Variants in CUBN observed in about 807,000 individuals in gnomAD.
CUBN encodes the protein cubilin, also known as 460 kDa receptor.
CUBN carries 282 observed loss-of-function variants against 405.3 expected under a neutral mutation model. The observed-to-expected ratio is 0.70, with a 90% confidence interval of 0.63 to 0.77. CUBN has a LOEUF of 0.77. Ranked by LOEUF, CUBN falls within the 30% of genes least tolerant of loss-of-function variation. The pLI is 0.00. For missense variants in CUBN, 4,514 were observed against 4,475.2 expected (o/e 1.01, Z -0.25); for synonymous variants, 1,684 against 1,617.0 (o/e 1.04, Z -0.99).
chr10:17,091,485 T>C (rs1236236095), intron 14 of CUBN, among the ~76,000 whole-genome samples: 1 of 152,166 alleles, frequency 6.6e-6, no homozygotes, highest in Non-Finnish European at 1.5e-5. Flanking sequence ...AAATAGCTGA[T>C]ATGAGTAACT....
chr10:16,901,199 T>A, intron 52 of CUBN, 139 bp downstream of exon 52: 1 of 1,213,778 alleles, frequency 8.2e-7, no homozygotes, highest in African/African-American at 1.5e-5. Flanking sequence ...GAGAAAATGT[T>A]AGGGAAAAAC....
In CUBN at chr10:17,068,246, G is replaced by A. The variant is rs1199210417; in HGVS notation, c.2826C>T (p.Thr942=). 1 of 1,613,488 alleles carries A rather than the reference G, an allele frequency of 6.2e-7. No individual in the cohort carries two copies. Among genetic ancestry groups the A allele is most frequent in the East Asian group, 2.2e-5 (1 of 44,878 alleles). Residue 942 remains threonine (T), a synonymous_variant, in exon 21 of 67, where the codon ACC becomes ACT. Coordinates refer to ENST00000377833, the MANE Select transcript of CUBN (RefSeq NM_001081.4). ...CATTTGGATGGCCAGGACTTTGAAT[G>A]GTCCCTGTTGATTCTGTAAGAATTT... is the stretch of plus-strand genomic sequence containing the variant. The part of the protein sequence containing the change: ...CGEILTESTG[T]IQSPGHPNVY...
intron 31 of CUBN, among the ~76,000 whole-genome samples, chr10:16,965,022 G>A (rs1380600815): frequency 1.3e-5 from 2 of 152,150 alleles, no homozygotes; most frequent in African/African-American, 4.8e-5. Flanking sequence ...GTAAATGCCG[G>A]AAGCATGTAC....
chr10:16,890,154 G>A (rs999930091), intron 55 of CUBN, among the ~76,000 whole-genome samples: 3 of 152,070 alleles, frequency 2.0e-5, no homozygotes, highest in Admixed American at 6.5e-5. Flanking sequence ...ATTTCTAGAC[G>A]TTGGTTAGTG....
At chr10:16,984,055 T>C (rs1305627494) in intron 30 of CUBN, 50 bp downstream of exon 30, 2 of 1,599,102 alleles carry the variant, frequency 1.3e-6, no homozygotes, top group Admixed American at 1.7e-5. Flanking sequence ...TCATGAAATT[T>C]AACGAGGGCT....
At chr10:17,044,986 T>A in intron 25 of CUBN, 21 bp downstream of exon 25, 1 of 1,610,378 alleles carries the variant, frequency 6.2e-7, no homozygotes, top group Non-Finnish European at 8.5e-7. Context: ...GGGAACAATA[T>A]GATGGAAACA....
chr10:16,860,318 C>T (rs995218550), intron 59 of CUBN, among the ~76,000 whole-genome samples: 6 of 151,822 alleles, frequency 4.0e-5, no homozygotes, highest in Non-Finnish European at 5.9e-5. Context: ...ACATATCACG[C>T]AAATATGAAT....
intron 29 of CUBN, among the ~76,000 whole-genome samples, chr10:16,989,383 AATT>A (rs750558355): frequency 4.7e-4 from 69 of 148,298 alleles, no homozygotes; most frequent in Middle Eastern, 7.1e-3. Flanking sequence ...TGTAATTATT[AATT>A]ATTATAATTT....
Position 16,948,467 on chromosome 10 carries a change from G to T in CUBN, c.5209+11C>A. 6.2e-7 allele frequency: 1 copy of T among 1,613,708 alleles called. No homozygotes were observed. Among genetic ancestry groups the T allele is most frequent in the Non-Finnish European group, 8.5e-7 (1 of 1,179,836 alleles). On this transcript the variant is annotated intron_variant, in intron 35 of 66. Transcript: ENST00000377833. ...TTTTAACCGCTAGAGTCAGGTGCTA[G>T]GGTTTCTTACCCGACACTGATGCGG...
rs548402160 is a variant in CUBN, at chr10:16,913,026, T to C, written c.7533+785A>G. ...TAGTAGCAGATATGATGAGAAATAG[T>C]TCAATTGTGGATATTTTTAAAGATA... On this transcript the variant is annotated intron_variant, in intron 48 of 66. Transcript: ENST00000377833. 2.6e-5 allele frequency among the ~76,000 whole-genome samples: 4 copies of C among 152,212 alleles called. No homozygotes were observed. In the South Asian group the frequency reaches 8.3e-4, roughly 32 times the overall value.
chr10:16,870,760 A>C (rs1840326950), intron 58 of CUBN, among the ~76,000 whole-genome samples: 1 of 152,198 alleles, frequency 6.6e-6, no homozygotes, highest in Non-Finnish European at 1.5e-5. Flanking sequence ...TTGTTGAGTT[A>C]AGCTGCTGTG....
In CUBN at chr10:16,903,764, T is replaced by A. The variant is rs530387802; in HGVS notation, c.8062+202A>T. On this transcript the variant is annotated intron_variant, in intron 51 of 66. Transcript: ENST00000377833. ...GAATAATTTTAAAATTAAATAATAA[T>A]TTTAAATTATGCAAATTATAAAATT... Among the ~76,000 whole-genome samples, 6 of 149,904 alleles carry A rather than the reference T, an allele frequency of 4.0e-5. No homozygotes were observed. The South Asian group carries it at 1.3e-3, about 31-fold the overall frequency.
At chr10:16,850,663 G>C (rs896716440) in intron 60 of CUBN, among the ~76,000 whole-genome samples, 3 of 152,070 alleles carry the variant, frequency 2.0e-5, no homozygotes, top group Non-Finnish European at 4.4e-5. Flanking sequence ...AGTAGAAACA[G>C]GGTTTCACCA....
At chr10:17,032,006 G>A (rs567706148) in intron 27 of CUBN, among the ~76,000 whole-genome samples, 2 of 152,314 alleles carry the variant, frequency 1.3e-5, no homozygotes, top group South Asian at 4.1e-4. Flanking sequence ...TCCATGGATC[G>A]AGTTAGGGAA....
intron 28 of CUBN, among the ~76,000 whole-genome samples, chr10:16,991,507 G>C (rs1215440024): frequency 2.0e-5 from 3 of 152,112 alleles, no homozygotes; most frequent in African/African-American, 7.2e-5. Flanking sequence ...TTGCAGAAGA[G>C]GTAAAATTTG....
At chr10:16,946,210 T>G (rs1842776402) in intron 36 of CUBN, among the ~76,000 whole-genome samples, 1 of 152,178 alleles carries the variant, frequency 6.6e-6, no homozygotes, top group African/African-American at 2.4e-5. Context: ...TCTCAATATA[T>G]AATAAGCATC....
chr10:16,933,172 G>A lies in CUBN; in HGVS notation c.6039C>T (p.Pro2013=), dbSNP rs149569558. 2.3e-4 allele frequency: 373 copies of A among 1,614,050 alleles called. No homozygotes were observed. Among genetic ancestry groups the A allele is most frequent in the East Asian group, 1.8e-4 (8 of 44,878 alleles). Residue 2013 remains proline, a synonymous_variant, in exon 40 of 67, where the codon CCC becomes CCT. Transcript: ENST00000377833. ...RVDCTWLIQA[P]DSTVELNILS... is the part of the protein sequence containing the mutation. ...GAATGTTGAGTTCCACGGTAGAGTC[G>A]GGAGCCTGGATGAGCCACGTACAGT... is the stretch of plus-strand genomic sequence containing the variant.
Position 16,925,768 on chromosome 10 carries a change from C to G in CUBN, c.6278G>C (p.Gly2093Ala), listed in dbSNP as rs748823977. 7.2e-5 allele frequency: 116 copies of G among 1,613,696 alleles called. No homozygotes were observed. The highest frequency in any genetic ancestry group is 9.4e-5 in the Non-Finnish European group (111 of 1,179,822). The change falls in exon 42 of 67, where the codon GGT (glycine) becomes GCT (alanine). Residue 2093 changes from glycine to alanine, a missense_variant. Gly to Ala is a moderately conservative substitution (Grantham distance 60). Around this residue, in one of 5 missense-constraint regions of CUBN, gnomAD observed 1,613 missense variants for 1,542.8 expected, o/e 1.05. Coordinates refer to ENST00000377833, the MANE Select transcript of CUBN (RefSeq NM_001081.4). ...CCCTCTGTCTGCATGCAAATATCCACCGCAGCCTTCCCACAAAGAAACAAA... is the reference window on the plus strand; with the variant it reads ...CCCTCTGTCTGCATGCAAATATCCAGCGCAGCCTTCCCACAAAGAAACAAA... ...GFNASFHKSCGGYLHADRGII... is the reference protein window; with the variant it reads ...GFNASFHKSCAGYLHADRGII...
chr10:16,941,530 T>C (rs1253366968), intron 36 of CUBN, among the ~76,000 whole-genome samples: 3 of 152,132 alleles, frequency 2.0e-5, no homozygotes, highest in African/African-American at 4.8e-5. Flanking sequence ...TAAATAAACA[T>C]TTCATTAAAG....
Sources: gnomAD v4.1 joint callset for allele counts (sites outside exome capture counted in the v4.1 genomes callset) on GRCh38, gnomAD v4.1.1 for gene constraint, gnomAD v4.1.1 regional missense constraint, MANE v1.5 for transcripts, NCBI Gene and HGNC (gene_info 2026-07-23, HGNC 2026-07-21) for gene names.